The following ANKRD36 variants were observed in gnomAD, a reference collection of about 807,000 sequenced individuals.
ANKRD36 encodes the protein ankyrin repeat domain-containing protein 36A.
In ANKRD36, 179 loss-of-function variants were observed where a neutral mutation model predicts 278.1. The observed-to-expected ratio is 0.64, with a 90% CI of 0.57 to 0.73. The LOEUF (loss-of-function observed/expected upper bound fraction) is 0.73, where lower values mean the gene tolerates loss of function less well. Ranked by LOEUF, ANKRD36 falls within the 30% of genes least tolerant of loss-of-function variation. The pLI, the probability that ANKRD36 is intolerant of heterozygous loss-of-function variation, is 0.00. For missense variants in ANKRD36, 1,159 were observed against 1,956.7 expected (o/e 0.59, Z 7.69); for synonymous variants, 320 against 641.1 (o/e 0.50, Z 7.57).
intron 6 of ANKRD36, among the ~76,000 whole-genome samples, chr2:97,130,266 A>G (rs1362469385): frequency 1.3e-5 from 2 of 152,020 alleles, no homozygotes; most frequent in East Asian, 3.9e-4. Flanking sequence ...CTATGCAGCC[A>G]TAAGAAATGA....
rs1410639658 is a variant in ANKRD36, at chr2:97,113,650, A to T, written c.-90A>T. 1.9e-6 allele frequency: 3 copies of T among 1,559,620 alleles called. No individual in the cohort carries two copies. The highest frequency in any genetic ancestry group is 2.6e-6 in the Non-Finnish European group (3 of 1,140,744). ...AGTCTGTGCGGAGGTCCGTGGACAG[A>T]CTGCTTTGCTCGTTGTTGCTCTTCG... On this transcript the variant is annotated 5_prime_UTR_variant, in exon 1 of 76. Coordinates refer to ENST00000420699, the MANE Select transcript of ANKRD36 (RefSeq NM_001354587.1).
rs1575712138 is a variant in ANKRD36, at chr2:97,198,612, T to G, written c.2709T>G (p.Val903=). The change falls in exon 44 of 76, where the codon GTT becomes GTG. Residue 903 remains valine, a synonymous_variant. Coordinates refer to ENST00000420699, the MANE Select transcript of ANKRD36 (RefSeq NM_001354587.1). ...LKASSAEKDS[V]LNIARGKKDG... ...CTTCAAGTGCCGAGAAAGATTCTGTTTTGAATATAGCCAGAGGAAAAAAGG... is the reference window on the plus strand; with the variant it reads ...CTTCAAGTGCCGAGAAAGATTCTGTGTTGAATATAGCCAGAGGAAAAAAGG... 6.5e-7 allele frequency: 1 copy of G among 1,545,428 alleles called. No individual in the cohort carries two copies. The highest frequency in any genetic ancestry group is 2.0e-5 in the Admixed American group (1 of 50,702).
rs1265503909 is a variant in ANKRD36, at chr2:97,202,187, C to T, written c.2858-15C>T. 2 of 1,609,130 alleles carry T rather than the reference C, an allele frequency of 1.2e-6. No individual in the cohort carries two copies. The highest frequency in any genetic ancestry group is 2.2e-5 in the East Asian group (1 of 44,668). ...ATTTACGTATGACTGATTATGAATC[C>T]CTTTTGCTTTTCAGTGTCTTCTCAG... On this transcript the variant is annotated splice_polypyrimidine_tract_variant and intron_variant, in intron 46 of 75. Transcript: ENST00000420699.
rs1326466796 is a variant in ANKRD36 at position 97,118,168 on chromosome 2, C to A, written c.302C>A (p.Pro101His). The change falls in exon 2 of 76, where the codon CCT becomes CAT. Residue 101 changes from proline to histidine, a missense_variant. Transcript: ENST00000420699. ...LNLCDREDRTPLIKAVQLRQE... is the reference protein window; with the variant it reads ...LNLCDREDRTHLIKAVQLRQE... ...CTCTGCGACCGTGAAGACAGGACAC[C>A]TCTGATCAAGGTATATAGTAGCTGA... 5 of 1,579,264 alleles carry A rather than the reference C, an allele frequency of 3.2e-6. No homozygotes were observed. In the Admixed American group the frequency reaches 7.3e-5, roughly 23 times the overall value.
Position 97,191,390 on chromosome 2 carries a change from T to A in ANKRD36, c.2347+209T>A, listed in dbSNP as rs572676535. Among the ~76,000 whole-genome samples, 146 of 151,788 alleles carry A rather than the reference T, an allele frequency of 9.6e-4. 1 individual carries two copies. Among genetic ancestry groups the A allele is most frequent in the Middle Eastern group, 6.8e-3 (2 of 294 alleles). Reference sequence around the variant, plus strand: ...AGTAAGATTATACACTTCCCCACATTCAAATTTGGAAGAAGAAATATGGAG... The same window carrying A: ...AGTAAGATTATACACTTCCCCACATACAAATTTGGAAGAAGAAATATGGAG... On this transcript the variant is annotated intron_variant, in intron 36 of 75. Coordinates refer to ENST00000420699, the MANE Select transcript of ANKRD36 (RefSeq NM_001354587.1).
chr2:97,198,064 T>C (rs1016112840), intron 42 of ANKRD36, among the ~76,000 whole-genome samples: 5 of 151,912 alleles, frequency 3.3e-5, no homozygotes, highest in Admixed American at 3.3e-4. Flanking sequence ...AGTATAATGG[T>C]GTAAATCCTT....
intron 36 of ANKRD36, among the ~76,000 whole-genome samples, chr2:97,192,533 G>T (rs2058746276): frequency 6.6e-6 from 1 of 151,710 alleles, no homozygotes; most frequent in Non-Finnish European, 1.5e-5. Context: ...ATTCTCAGGT[G>T]TATGAGTTTC....
chr2:97,189,179 G>T lies in ANKRD36; in HGVS notation c.2173-39G>T. On this transcript the variant is annotated intron_variant, in intron 33 of 75. Transcript: ENST00000420699. ...TATAGTCTATGAAACATACTTCATT[G>T]ATTTATTTATTTATTATTTTCTTTC... 4.0e-6 allele frequency: 3 copies of T among 744,838 alleles called. 1 individual carries two copies. The highest frequency in any genetic ancestry group is 1.4e-5 in the African/African-American group (1 of 69,604). The allele number at this position is 744,838 out of a possible 1,614,324, so 46.1% of individuals were successfully genotyped here.
At chr2:97,137,235 C>T (rs2041750317) in intron 6 of ANKRD36, among the ~76,000 whole-genome samples, 1 of 151,948 alleles carries the variant, frequency 6.6e-6, no homozygotes, top group Non-Finnish European at 1.5e-5. Context: ...CAACCTCTGC[C>T]TCCTGGGTTC....
chr2:97,224,460 T>G (rs1424074717), intron 66 of ANKRD36, among the ~76,000 whole-genome samples: 143 of 151,646 alleles, frequency 9.4e-4, no homozygotes, highest in Non-Finnish European at 1.4e-3. Context: ...TTGTTTTTTT[T>G]TTTTTGAGAC....
At chr2:97,207,198 A>G (rs2063106054) in intron 52 of ANKRD36, among the ~76,000 whole-genome samples, 1 of 151,498 alleles carries the variant, frequency 6.6e-6, no homozygotes, top group South Asian at 2.1e-4. Context: ...TAGTGGATAC[A>G]AGAAACTTAG....
intron 50 of ANKRD36, among the ~76,000 whole-genome samples, chr2:97,204,963 A>C (rs2062445751): frequency 6.6e-6 from 1 of 151,502 alleles, no homozygotes; most frequent in Admixed American, 6.6e-5. Flanking sequence ...TGTTGATTTT[A>C]GTTATAGAAA....
At chr2:97,227,847 C>T (rs1366845711) in intron 67 of ANKRD36, among the ~76,000 whole-genome samples, 23 of 152,160 alleles carry the variant, frequency 1.5e-4, no homozygotes, top group African/African-American at 2.9e-4. Flanking sequence ...TAGCATGAAG[C>T]GTTGTTGAAT....
chr2:97,190,615 G>A (rs1198913407), intron 34 of ANKRD36, among the ~76,000 whole-genome samples: 1 of 151,444 alleles, frequency 6.6e-6, no homozygotes, highest in African/African-American at 2.4e-5. Flanking sequence ...AAGACATGTG[G>A]GATCATGTAG....
intron 6 of ANKRD36, among the ~76,000 whole-genome samples, chr2:97,132,526 G>T (rs974989141): frequency 7.3e-5 from 11 of 150,268 alleles, no homozygotes; most frequent in Non-Finnish European, 1.5e-4. Flanking sequence ...GAATCTCAAA[G>T]GCAACCGTTA....
rs566747324 is a variant in ANKRD36 at position 97,209,452 on chromosome 2, G to A, written c.3266-229G>A. On this transcript the variant is annotated intron_variant, in intron 54 of 75. Transcript: ENST00000420699. ...ACGGTTTTATTTTAGTTTTTGACAC[G>A]TGACAAATCATATAATGTTTGAAAT... Among the ~76,000 whole-genome samples, 101 of 146,354 alleles carry A rather than the reference G, an allele frequency of 6.9e-4. 14 individuals are homozygous for A. Among genetic ancestry groups the A allele is most frequent in the African/African-American group, 2.6e-3 (98 of 37,586 alleles).
chr2:97,144,782 A>C, intron 10 of ANKRD36, 70 bp downstream of exon 10: 1 of 1,509,860 alleles, frequency 6.6e-7, no homozygotes, highest in Non-Finnish European at 8.9e-7. Context: ...CAAATAAATC[A>C]GCAGGGGGCT....
chr2:97,234,847 C>T (rs1181024812), intron 68 of ANKRD36, among the ~76,000 whole-genome samples: 1 of 124,800 alleles, frequency 8.0e-6, no homozygotes, highest in Non-Finnish European at 1.6e-5. Context: ...ACATCTTTTG[C>T]ATATAAAAAA....
chr2:97,136,472 A>G (rs573323985), intron 6 of ANKRD36, among the ~76,000 whole-genome samples: 6 of 151,678 alleles, frequency 4.0e-5, no homozygotes, highest in Admixed American at 2.6e-4. Context: ...TTGAAGTCCA[A>G]CTGGAAGTTG....
Sources: gnomAD v4.1 joint callset for allele counts (sites outside exome capture counted in the v4.1 genomes callset) on GRCh38, gnomAD v4.1.1 for gene constraint, MANE v1.5 for transcripts, NCBI Gene and HGNC (gene_info 2026-07-23, HGNC 2026-07-21) for gene names.